Variants in KCNA3 observed in about 807,000 individuals in gnomAD.
KCNA3 encodes potassium voltage-gated channel subfamily A member 3, also known as RP11-284N8.3.
Under a neutral mutation model 34.3 loss-of-function variants are expected in KCNA3, and 18 were observed. The ratio of observed to expected loss-of-function variants is 0.52; its 90% CI spans 0.36 to 0.78. The LOEUF is 0.78. Ranked by LOEUF, KCNA3 falls within the 30% of genes least tolerant of loss-of-function variation. The pLI is 0.00. For missense variants in KCNA3, 587 were observed against 802.5 expected, an observed-to-expected ratio of 0.73 and a Z score of 3.24; for synonymous variants, 324 against 351.7, an observed-to-expected ratio of 0.92 and a Z score of 0.88.
Position 110,674,583 on chromosome 1 carries a change from C to T in KCNA3, c.227G>A (p.Gly76Asp). The stretch of plus-strand genomic sequence containing the variant: ...GTCGCAGCCGCCGCCGCCACAGCCG[C>T]CTTGAGGCGGGGCCCCTCCACCATC... ...VADGGGAPPQ[G>D]GCGGGGCDRY... is the part of the protein sequence containing the mutation. The change falls in exon 1 of 1, where the codon GGC (glycine) becomes GAC (aspartate). Residue 76 changes from glycine to aspartate, a missense_variant. Physicochemically the swap from Gly to Asp is moderately conservative, Grantham distance 94. Transcript: ENST00000369769. The surrounding 1 kb of genome is among the most constrained non-coding windows in gnomAD (Gnocchi z 6.4). 1.3e-6 allele frequency: 2 copies of T among 1,573,506 alleles called. No homozygotes were observed. The highest frequency in any genetic ancestry group is 1.4e-5 in the African/African-American group (1 of 72,908).
Position 110,673,972 on chromosome 1 carries a change from T to C in KCNA3, c.838A>G (p.Ser280Gly). ...SQDSFEAAGNSTSGSRAGASS... is the reference protein window; with the variant it reads ...SQDSFEAAGNGTSGSRAGASS... ...GCTCCTGCGCGGGACCCCGACGTGC[T>C]GTTGCCGGCTGCTTCGAATGAGTCC... Residue 280 changes from serine (S) to glycine (G), a missense_variant, in exon 1 of 1, where the codon AGC becomes GGC. Physicochemically the swap from Ser to Gly is moderately conservative, Grantham distance 56. Transcript: ENST00000369769. This position sits in a 1 kb window ranked among gnomAD's most constrained non-coding sequence, Gnocchi z 8.8. The C allele has an allele frequency of 6.2e-7, 1 of 1,613,880 alleles. No individual in the cohort carries two copies. The highest frequency in any genetic ancestry group is 8.5e-7 in the Non-Finnish European group (1 of 1,179,968).
downstream of KCNA3, among the ~76,000 whole-genome samples, chr1:110,670,778 C>T (rs1436624310): frequency 6.6e-6 from 1 of 152,104 alleles, no homozygotes; most frequent in Non-Finnish European, 1.5e-5. Context: ...ATTTAGATTT[C>T]TTGCCTCTAT....
the KCNA3 span, among the ~76,000 whole-genome samples, chr1:110,660,104 G>A: frequency 6.6e-6 from 1 of 151,974 alleles, no homozygotes; most frequent in African/African-American, 2.4e-5. Context: ...AACAGAAAAT[G>A]TTCCATTCAT....
the KCNA3 span, among the ~76,000 whole-genome samples, chr1:110,666,521 T>C: frequency 6.6e-6 from 1 of 152,136 alleles, no homozygotes; most frequent in Non-Finnish European, 1.5e-5. Flanking sequence ...TGTGGGGCCA[T>C]AAAAGCTATG....
Position 110,673,224 on chromosome 1 carries a change from T to A in KCNA3, c.1586A>T (p.Tyr529Phe). ...RSNSTLSKSE[Y>F]MVIEEGGMNH... ...CATACCCCCCTCTTCGATCACCATA[T>A]ACTCCGACTTACTCAGAGTCGAGTT... is the stretch of plus-strand genomic sequence containing the variant. The change falls in exon 1 of 1, where the codon TAT becomes TTT. Residue 529 changes from tyrosine (Y) to phenylalanine (F), a missense_variant. Around this residue, in one of 7 missense-constraint regions of KCNA3, gnomAD observed 95 missense variants for 107.3 expected, o/e 0.89. Transcript: ENST00000369769. This position sits in a 1 kb window ranked among gnomAD's most constrained non-coding sequence, Gnocchi z 8.8. 6.2e-7 allele frequency: 1 copy of A among 1,614,146 alleles called. No homozygotes were observed. The highest frequency in any genetic ancestry group is 8.5e-7 in the Non-Finnish European group (1 of 1,180,022).
the KCNA3 span, among the ~76,000 whole-genome samples, chr1:110,663,140 C>T: frequency 6.6e-5 from 10 of 151,996 alleles, no homozygotes; most frequent in Admixed American, 6.6e-4. Flanking sequence ...ATGTCTAATA[C>T]CTTGACTAAA....
downstream of KCNA3, among the ~76,000 whole-genome samples, chr1:110,669,193 T>C (rs1193075779): frequency 6.6e-6 from 1 of 152,200 alleles, no homozygotes; most frequent in Non-Finnish European, 1.5e-5. Flanking sequence ...CATGACTTTC[T>C]GGTATGGTTC....
the KCNA3 span, chr1:110,656,045 G>A: frequency 2.6e-5 from 4 of 152,058 alleles, no homozygotes; most frequent in Non-Finnish European, 4.4e-5. Flanking sequence ...ACAAAATTTT[G>A]TGAATATTAT....
the KCNA3 span, among the ~76,000 whole-genome samples, chr1:110,661,638 A>T: frequency 6.6e-6 from 1 of 152,156 alleles, no homozygotes; most frequent in African/African-American, 2.4e-5. Flanking sequence ...CTGCTGTTAC[A>T]TTCTTTTTAT....
chr1:110,660,134 G>A, the KCNA3 span, among the ~76,000 whole-genome samples: 3 of 151,880 alleles, frequency 2.0e-5, no homozygotes, highest in Admixed American at 6.6e-5. Context: ...TTTAAATGTT[G>A]CTTTTTAAAA....
At chr1:110,666,439 AG>A in the KCNA3 span, among the ~76,000 whole-genome samples, 6 of 152,200 alleles carry the variant, frequency 3.9e-5, no homozygotes, top group African/African-American at 1.4e-4. Flanking sequence ...GAAGAAGACC[AG>A]GGTGACTGGA....
At chr1:110,661,465 A>G in the KCNA3 span, among the ~76,000 whole-genome samples, 1 of 152,204 alleles carries the variant, frequency 6.6e-6, no homozygotes, top group Non-Finnish European at 1.5e-5. Context: ...AGAGTTTTAA[A>G]GTTATAATGG....
the KCNA3 span, chr1:110,654,431 A>G: frequency 2.6e-5 from 4 of 152,116 alleles, no homozygotes; most frequent in Non-Finnish European, 5.9e-5. Context: ...GAATGGATGC[A>G]GTTTCTTGGA....
In KCNA3 at chr1:110,674,862, C is replaced by G. The variant is rs1169785367; in HGVS notation, c.-53G>C. The G allele has an allele frequency of 1.6e-5, 21 of 1,276,844 alleles. No individual in the cohort carries two copies. The African/African-American group carries it at 2.8e-4, about 17-fold the overall frequency. 79.1% of individuals were successfully genotyped at this position (1,276,844 alleles called of 1,614,324 possible). The stretch of plus-strand genomic sequence containing the variant: ...GGCCAGGTCGCTCCTCCTCGCGCTC[C>G]CCGCCCTTTCGCCGCCTCCGCCCCC... On this transcript the variant is annotated 5_prime_UTR_variant, in exon 1 of 1. Coordinates refer to ENST00000369769, the MANE Select transcript of KCNA3 (RefSeq NM_002232.5). The surrounding 1 kb of genome is among the most constrained non-coding windows in gnomAD (Gnocchi z 6.4).
At chr1:110,657,291 C>A in the KCNA3 span, among the ~76,000 whole-genome samples, 1 of 152,144 alleles carries the variant, frequency 6.6e-6, no homozygotes, top group East Asian at 1.9e-4. Context: ...TTGTGATCCA[C>A]CTGCCTTGGC....
chr1:110,658,187 C>A, the KCNA3 span, among the ~76,000 whole-genome samples: 1 of 152,174 alleles, frequency 6.6e-6, no homozygotes, highest in Non-Finnish European at 1.5e-5. Flanking sequence ...TGTTTCGCTG[C>A]AGGTATAAGA....
chr1:110,667,708 T>C (rs888263012), downstream of KCNA3, among the ~76,000 whole-genome samples: 2 of 152,150 alleles, frequency 1.3e-5, no homozygotes, highest in Non-Finnish European at 2.9e-5. Flanking sequence ...ACACATCTGG[T>C]ACAAAAGAAC....
At chr1:110,664,493 T>C in the KCNA3 span, among the ~76,000 whole-genome samples, 4 of 152,326 alleles carry the variant, frequency 2.6e-5, no homozygotes, top group East Asian at 7.7e-4. Flanking sequence ...AGGAATTTTG[T>C]CCTTCAGAGC....
In KCNA3 at chr1:110,674,000, C is replaced by T. The variant is rs1318178157; in HGVS notation, c.810G>A (p.Ser270=). The change falls in exon 1 of 1, where the codon TCG becomes TCA. Residue 270 remains serine (S), a synonymous_variant. Coordinates refer to ENST00000369769, the MANE Select transcript of KCNA3 (RefSeq NM_002232.5). The surrounding 1 kb of genome is among the most constrained non-coding windows in gnomAD (Gnocchi z 8.8). ...RDEKDYPAST[S]QDSFEAAGNS... is the part of the protein sequence containing the mutation. ...TGCCGGCTGCTTCGAATGAGTCCTG[C>T]GACGTCGAGGCGGGGTAGTCCTTCT... The T allele has an allele frequency of 6.2e-7, 1 of 1,613,232 alleles. No individual in the cohort carries two copies. The highest frequency in any genetic ancestry group is 8.5e-7 in the Non-Finnish European group (1 of 1,179,666).
Sources: allele counts gnomAD v4.1 joint callset (sites outside exome capture counted in the v4.1 genomes callset), GRCh38; gene constraint gnomAD v4.1.1; regional missense constraint gnomAD v4.1.1; non-coding constraint Gnocchi (gnomAD v3.1); transcripts MANE v1.5; gene names NCBI Gene and HGNC (gene_info 2026-07-23, HGNC 2026-07-21).